DRC8: variants seen among roughly 807,000 people sequenced by gnomAD.
DRC8 encodes dynein regulatory complex subunit 8.
At chr1:245,038,469 C>CA in the DRC8 span, among the ~76,000 whole-genome samples, 17 of 146,720 alleles carry the variant, frequency 1.2e-4, no homozygotes, top group Non-Finnish European at 1.1e-4. Flanking sequence ...GACTCCGTCT[C>CA]AAAAAAAAAA....
chr1:245,124,756 A>G, the DRC8 span: 1 of 152,218 alleles, frequency 6.6e-6, no homozygotes, highest in Non-Finnish European at 1.5e-5. Context: ...AGACCCCCAC[A>G]GAGGAATGTG....
chr1:245,071,477 G>A, the DRC8 span, among the ~76,000 whole-genome samples: 16 of 152,352 alleles, frequency 1.1e-4, no homozygotes, highest in Admixed American at 8.5e-4. Context: ...ACATGGCAAG[G>A]AACTTGTCTG....
chr1:244,977,046 A>C, the DRC8 span, among the ~76,000 whole-genome samples: 65 of 152,234 alleles, frequency 4.3e-4, 1 homozygote, highest in Admixed American at 8.5e-4. Flanking sequence ...AAAAAGACAA[A>C]TACTCTGTGA....
chr1:244,970,220 G>C, the DRC8 span: 1 of 761,924 alleles, frequency 1.3e-6, no homozygotes, highest in South Asian at 1.5e-5. Flanking sequence ...CCCCCAGCGC[G>C]AGGGTCGTGG....
the DRC8 span, among the ~76,000 whole-genome samples, chr1:244,978,940 A>T: frequency 0.68 from 102,956 of 151,976 alleles, 36,312 homozygotes; most frequent in East Asian, 1. Flanking sequence ...TTCCATCTAA[A>T]GAGGAAGATA....
the DRC8 span, among the ~76,000 whole-genome samples, chr1:245,024,191 A>G: frequency 1.3e-5 from 2 of 152,026 alleles, no homozygotes; most frequent in African/African-American, 2.4e-5. Flanking sequence ...AATTATCCTT[A>G]TTTCATTGTA....
chr1:245,105,331 G>A, the DRC8 span, among the ~76,000 whole-genome samples: 15 of 152,028 alleles, frequency 9.9e-5, no homozygotes, highest in Non-Finnish European at 1.6e-4. Flanking sequence ...AGTAGGAGTT[G>A]CAAAATGGTG....
the DRC8 span, among the ~76,000 whole-genome samples, chr1:245,071,570 A>G: frequency 1.3e-5 from 2 of 152,228 alleles, no homozygotes; most frequent in Admixed American, 1.3e-4. Flanking sequence ...AAGAGTTTCT[A>G]AAAGTGGTAA....
At chr1:245,111,960 G>A in the DRC8 span, among the ~76,000 whole-genome samples, 1 of 152,218 alleles carries the variant, frequency 6.6e-6, no homozygotes, top group Non-Finnish European at 1.5e-5. Context: ...CTTGAGCCTA[G>A]GAAGTTGAGG....
chr1:245,025,389 T>G, the DRC8 span, among the ~76,000 whole-genome samples: 5 of 152,246 alleles, frequency 3.3e-5, no homozygotes, highest in East Asian at 3.8e-4. Flanking sequence ...TTTTATTTCA[T>G]TTTCCTTATC....
At chr1:244,982,184 A>G in the DRC8 span, among the ~76,000 whole-genome samples, 4 of 152,218 alleles carry the variant, frequency 2.6e-5, no homozygotes, top group Non-Finnish European at 4.4e-5. Context: ...TCCTAGCCAG[A>G]TTGGGGTAAA....
chr1:244,979,472 A>T, the DRC8 span, among the ~76,000 whole-genome samples: 3 of 151,428 alleles, frequency 2.0e-5, no homozygotes, highest in African/African-American at 4.9e-5. Context: ...TGCTGGGCTC[A>T]TTTTTTTATA....
the DRC8 span, among the ~76,000 whole-genome samples, chr1:245,075,250 C>T: frequency 3.2e-3 from 486 of 152,222 alleles, no homozygotes; most frequent in African/African-American, 0.011. Context: ...AAACACCTGC[C>T]GGACCCTGAC....
chr1:245,079,824 G>C, the DRC8 span, among the ~76,000 whole-genome samples: 2 of 152,158 alleles, frequency 1.3e-5, no homozygotes, highest in African/African-American at 2.4e-5. Context: ...AGATAACCTC[G>C]TAGGATTGCC....
At chr1:245,020,689 A>G in the DRC8 span, among the ~76,000 whole-genome samples, 104,962 of 144,134 alleles carry the variant, frequency 0.73, 38,145 homozygotes, top group East Asian at 0.89. Flanking sequence ...GTGCAATCTC[A>G]GCTCACTGCA....
At chr1:245,024,334 T>G in the DRC8 span, among the ~76,000 whole-genome samples, 3 of 152,140 alleles carry the variant, frequency 2.0e-5, no homozygotes, top group Non-Finnish European at 2.9e-5. Flanking sequence ...GTGAGAACTT[T>G]TTCTCGGTAA....
At chr1:245,105,632 A>AC in the DRC8 span, among the ~76,000 whole-genome samples, 3,707 of 151,264 alleles carry the variant, frequency 0.025, 148 homozygotes, top group African/African-American at 0.074. Context: ...CAAAAAAAAA[A>AC]AAAAAACAAA....
chr1:245,047,026 A>G, the DRC8 span, among the ~76,000 whole-genome samples: 26 of 152,196 alleles, frequency 1.7e-4, no homozygotes, highest in Admixed American at 1.7e-3. Context: ...CAACGAGTCC[A>G]TCTGAAAAGC....
At chr1:245,097,528 AAAG>A in the DRC8 span, among the ~76,000 whole-genome samples, 1 of 151,520 alleles carries the variant, frequency 6.6e-6, no homozygotes, top group African/African-American at 2.4e-5. This position sits in a 1 kb window ranked among gnomAD's most constrained non-coding sequence, Gnocchi z 5.0. Context: ...AAAAAAAAAA[AAAG>A]AAAGAAAGAA....
Sources: gnomAD v4.1 joint callset for allele counts (sites outside exome capture counted in the v4.1 genomes callset) on GRCh38, gnomAD v4.1.1 for gene constraint, Gnocchi (gnomAD v3.1) non-coding constraint, MANE v1.5 for transcripts, NCBI Gene and HGNC (gene_info 2026-07-23, HGNC 2026-07-21) for gene names.